The following ASPHD1 variants were observed in gnomAD, a reference collection of about 807,000 sequenced individuals.
ASPHD1 encodes aspartate beta-hydroxylase domain containing 1.
A neutral mutation model predicts 28.3 loss-of-function variants in ASPHD1; 20 were observed. The ratio of observed to expected loss-of-function variants is 0.71; its 90% CI spans 0.50 to 1.03. ASPHD1 has a LOEUF of 1.03. Ranked by LOEUF, ASPHD1 falls within the 50% of genes least tolerant of loss-of-function variation. The pLI is 0.00. For missense variants in ASPHD1, 479 were observed against 524.1 expected (o/e 0.91, Z 0.84); for synonymous variants, 240 against 221.2 (o/e 1.08, Z -0.75).
At chr16:29,913,521 T>G (rs2068754105) in intron 3 of ASPHD1, 1 of 152,204 alleles carries the variant, frequency 6.6e-6, no homozygotes, top group South Asian at 2.1e-4. Flanking sequence ...ATTAACAATA[T>G]TTATTACTTC....
chr16:29,907,146 G>A (rs1359550490), downstream of ASPHD1: 5 of 1,465,198 alleles, frequency 3.4e-6, no homozygotes, highest in Non-Finnish European at 4.7e-6. Flanking sequence ...CTTCCTTCTG[G>A]TGCAGTCACG....
rs770181762 is a variant in ASPHD1, at chr16:29,901,746, C to T, written c.775C>T (p.Arg259Trp). 21 of 1,552,458 alleles carry T rather than the reference C, an allele frequency of 1.4e-5. No homozygotes were observed. Among genetic ancestry groups the T allele is most frequent in the Admixed American group, 1.2e-4 (6 of 50,162 alleles). ...CCAGCTCCTGCTGTACCAAGCAGGC[C>T]GGTGCCAACCCAGCAACTGCCGCCG... ...CYQLLLYQAG[R>W]CQPSNCRRCP... The change falls in exon 1 of 3, where the codon CGG (arginine) becomes TGG (tryptophan). Residue 259 changes from arginine (R) to tryptophan (W), a missense_variant. Physicochemically the swap from Arg to Trp is moderately radical, Grantham distance 101 (BLOSUM62 -3). Coordinates refer to ENST00000308748, the MANE Select transcript of ASPHD1 (RefSeq NM_181718.4). This position sits in a 1 kb window ranked among gnomAD's most constrained non-coding sequence, Gnocchi z 5.1.
Position 29,905,833 on chromosome 16 carries a change from G to A in ASPHD1, c.1109G>A (p.Trp370Ter), listed in dbSNP as rs1248992461. The A allele has an allele frequency of 1.9e-6, 3 of 1,613,708 alleles. No individual in the cohort carries two copies. Among genetic ancestry groups the A allele is most frequent in the Non-Finnish European group, 2.5e-6 (3 of 1,179,922 alleles). Residue 370 changes from tryptophan to a stop codon, truncating the protein, a stop_gained, in exon 3 of 3, where the codon TGG becomes TAG. Transcript: ENST00000308748. LOFTEE classifies it high-confidence loss of function. ...CGAGTGGTCTTCATCGTGGACCTCT[G>A]GCACCCCAACGTGGCAGGGGCTGAG... ...GPRVVFIVDLWHPNVAGAERQ... is the reference protein window; with the variant it reads ...GPRVVFIVDL
downstream of ASPHD1, among the ~76,000 whole-genome samples, chr16:29,910,347 G>A (rs1269017572): frequency 6.6e-6 from 1 of 151,962 alleles, no homozygotes; most frequent in Non-Finnish European, 1.5e-5. Flanking sequence ...GCGGTGAGCG[G>A]AGATTGTGCC....
At chr16:29,919,732 T>C (rs751431970), downstream of ASPHD1, 1 of 151,706 alleles carries the variant, frequency 6.6e-6, no homozygotes, top group African/African-American at 2.4e-5. Flanking sequence ...CGATTGTATT[T>C]TGGCAAGCAA....
intron 3 of ASPHD1, among the ~76,000 whole-genome samples, chr16:29,918,970 T>C (rs1271967572): frequency 6.6e-6 from 1 of 152,184 alleles, no homozygotes; most frequent in Non-Finnish European, 1.5e-5. Flanking sequence ...ATTTTTGTAT[T>C]TTTAATAGAG....
At chr16:29,906,275 C>T (rs906310137), downstream of ASPHD1, 3 of 194,998 alleles carry the variant, frequency 1.5e-5, no homozygotes, top group African/African-American at 2.4e-5. Context: ...TGAGCCACCA[C>T]GCCCGGCCAG....
Position 29,901,408 on chromosome 16 carries a change from T to G in ASPHD1, c.437T>G (p.Val146Gly), listed in dbSNP as rs1259723169. 1 of 1,589,374 alleles carries G rather than the reference T, an allele frequency of 6.3e-7. No homozygotes were observed. The highest frequency in any genetic ancestry group is 2.2e-5 in the East Asian group (1 of 44,666). ...PGEGPRTEGL[V>G]SRRLRAYARR... ...GAAGGACCTAGGACGGAAGGCCTAG[T>G]GAGCCGGCGGCTTCGGGCCTACGCA... The change falls in exon 1 of 3, where the codon GTG (valine) becomes GGG (glycine). Residue 146 changes from valine (V) to glycine (G), a missense_variant. Val to Gly is a moderately radical substitution (Grantham distance 109). Transcript: ENST00000308748. This position sits in a 1 kb window ranked among gnomAD's most constrained non-coding sequence, Gnocchi z 5.1.
downstream of ASPHD1, chr16:29,906,950 A>G: frequency 6.2e-7 from 1 of 1,614,134 alleles, no homozygotes; most frequent in Non-Finnish European, 8.5e-7. Flanking sequence ...TCCTGCGGAC[A>G]CGGTGCTCTC....
At position 29,901,535 on chromosome 16, in the gene ASPHD1, C is replaced by T; in HGVS notation, c.564C>T (p.Gly188=). 6.4e-7 allele frequency: 1 copy of T among 1,569,740 alleles called. No homozygotes were observed. The highest frequency in any genetic ancestry group is 8.6e-7 in the Non-Finnish European group (1 of 1,164,020). The part of the protein sequence containing the change: ...GPGVLGIQRP[G]LLFLPDLPSA... ...GGGTCCTAGGTATTCAGCGCCCAGG[C>T]CTGCTTTTCCTACCAGACCTGCCTT... is the stretch of plus-strand genomic sequence containing the variant. The change falls in exon 1 of 3, where the codon GGC becomes GGT. Residue 188 remains glycine (G), a synonymous_variant. Transcript: ENST00000308748. The surrounding 1 kb of genome is among the most constrained non-coding windows in gnomAD (Gnocchi z 5.1).
chr16:29,909,696 T>C (rs573422847), downstream of ASPHD1, among the ~76,000 whole-genome samples: 149 of 152,078 alleles, frequency 9.8e-4, 1 homozygote, highest in African/African-American at 3.5e-3. Flanking sequence ...CCCTTTTTTT[T>C]TTTTTTAATT....
intron 3 of ASPHD1, among the ~76,000 whole-genome samples, chr16:29,912,603 G>A (rs529542400): frequency 4.7e-4 from 72 of 152,262 alleles, no homozygotes; most frequent in South Asian, 1.9e-3. Context: ...ACCACACCCA[G>A]CTAATTTTGT....
At chr16:29,905,561 A>G (rs1243593464) in intron 2 of ASPHD1, among the ~76,000 whole-genome samples, 3 of 150,586 alleles carry the variant, frequency 2.0e-5, no homozygotes, top group Non-Finnish European at 4.4e-5. Context: ...CTGGGAGGCC[A>G]AGGTTGCAGT....
intron 3 of ASPHD1, among the ~76,000 whole-genome samples, chr16:29,918,375 G>T (rs2068846282): frequency 6.6e-6 from 1 of 152,192 alleles, no homozygotes; most frequent in South Asian, 2.1e-4. Context: ...AATATTATGG[G>T]TTGCTTGATG....
chr16:29,911,585 C>T (rs573059314), intron 3 of ASPHD1: 5 of 596,974 alleles, frequency 8.4e-6, no homozygotes, highest in Admixed American at 3.0e-5. Flanking sequence ...GGGATAGGCT[C>T]GCCACTATCA....
chr16:29,918,201 T>G (rs1388588719), intron 3 of ASPHD1, among the ~76,000 whole-genome samples: 1 of 152,202 alleles, frequency 6.6e-6, no homozygotes, highest in Non-Finnish European at 1.5e-5. Flanking sequence ...GATTATCAAT[T>G]TGTGTGTCAT....
At chr16:29,917,507 T>G (rs1303020923) in intron 3 of ASPHD1, among the ~76,000 whole-genome samples, 2 of 151,648 alleles carry the variant, frequency 1.3e-5, no homozygotes, top group Admixed American at 1.3e-4. Context: ...ATTAGACGGG[T>G]GTGGTGGCTC....
intron 3 of ASPHD1, chr16:29,911,230 C>T: frequency 7.3e-7 from 1 of 1,377,242 alleles, no homozygotes; most frequent in South Asian, 1.3e-5. Flanking sequence ...CCTCTGTACC[C>T]CCAGAAGACG....
intron 2 of ASPHD1, 97 bp downstream of exon 2, chr16:29,905,062 C>A: frequency 3.7e-6 from 3 of 813,472 alleles, no homozygotes; most frequent in Admixed American, 5.1e-5. Flanking sequence ...GACTTCCTGT[C>A]CTACCACCAC....
Sources: allele counts gnomAD v4.1 joint callset (sites outside exome capture counted in the v4.1 genomes callset), GRCh38; gene constraint gnomAD v4.1.1; non-coding constraint Gnocchi (gnomAD v3.1); transcripts MANE v1.5; gene names NCBI Gene and HGNC (gene_info 2026-07-23, HGNC 2026-07-21).